Variants in DNAJC18 observed in about 807,000 individuals in gnomAD.
DNAJC18 encodes the protein DnaJ heat shock protein family (Hsp40) member C18, also known as dnaJ homolog subfamily C member 18.
A neutral mutation model predicts 48.6 loss-of-function variants in DNAJC18; 40 were observed. That is an observed-to-expected ratio of 0.82 (90% confidence interval 0.64 to 1.07). The LOEUF is 1.07. DNAJC18 is among the 50% of genes least tolerant of loss of function. DNAJC18 has a pLI of 0.00. For synonymous variants in DNAJC18, 135 were observed against 152.2 expected, an observed-to-expected ratio of 0.89 and a Z score of 0.83; for missense variants, 340 against 427.7, an observed-to-expected ratio of 0.79 and a Z score of 1.81.
At chr5:139,428,514 T>C (rs752718372) in intron 3 of DNAJC18, 24 bp downstream of exon 3, 18 of 1,599,450 alleles carry the variant, frequency 1.1e-5, no homozygotes, top group East Asian at 2.2e-5. Flanking sequence ...AAGGGCACCA[T>C]TGAGCATTGG....
At chr5:139,423,084 G>A (rs1759180955) in intron 5 of DNAJC18, among the ~76,000 whole-genome samples, 1 of 152,022 alleles carries the variant, frequency 6.6e-6, no homozygotes, top group African/African-American at 2.4e-5. Flanking sequence ...TGCCCACCTC[G>A]GCCTCCCAGA....
At chr5:139,437,602 A>T in intron 1 of DNAJC18, 44 bp from the exon 2 acceptor site, 1 of 1,562,424 alleles carries the variant, frequency 6.4e-7, no homozygotes. Flanking sequence ...CTGACCCTGA[A>T]AATCAACTTT....
rs1759011445 is a variant in DNAJC18 at position 139,412,712 on chromosome 5, G to A, written c.*1436C>T. 2.5e-6 allele frequency: 1 copy of A among 398,572 alleles called. No homozygotes were observed. The highest frequency in any genetic ancestry group is 1.3e-4 in the South Asian group (1 of 7,864). The allele number at this position is 398,572 out of a possible 1,614,324, so 24.7% of individuals were successfully genotyped here. A position where few individuals can be genotyped will look rare whatever the true frequency, so the allele number is the denominator to read the frequency against. ...GAACCACACAGCCCAGGCAGTGACTGAATTCTTCCTAGTCACCAGTGGAGG... is the reference window on the plus strand; with the variant it reads ...GAACCACACAGCCCAGGCAGTGACTAAATTCTTCCTAGTCACCAGTGGAGG... On this transcript the variant is annotated 3_prime_UTR_variant, in exon 8 of 8. Transcript: ENST00000302060.
intron 1 of DNAJC18, among the ~76,000 whole-genome samples, chr5:139,438,172 C>A (rs1750718252): frequency 2.0e-5 from 3 of 151,912 alleles, no homozygotes; most frequent in Admixed American, 2.0e-4. Flanking sequence ...ACAAATTAGC[C>A]GGGCGTGGTG....
At position 139,426,167 on chromosome 5, in the gene DNAJC18, C is replaced by A; in HGVS notation, c.559+5G>T. ...GTTTAAGAATGATAATTTGGGGAGA[C>A]TAACCTGTAGGAAAATGTCCTCCAA... On this transcript the variant is annotated splice_donor_5th_base_variant and intron_variant, in intron 4 of 7. Transcript: ENST00000302060. 1 of 1,612,696 alleles carries A rather than the reference C, an allele frequency of 6.2e-7. No individual in the cohort carries two copies. Among genetic ancestry groups the A allele is most frequent in the Non-Finnish European group, 8.5e-7 (1 of 1,179,478 alleles).
chr5:139,431,683 G>A (rs1259565608), intron 2 of DNAJC18, among the ~76,000 whole-genome samples: 2 of 152,104 alleles, frequency 1.3e-5, no homozygotes, highest in Non-Finnish European at 2.9e-5. Flanking sequence ...GTTTTTTTGT[G>A]GAAGTATATT....
In DNAJC18 at chr5:139,412,972, T is replaced by C. The variant is rs1156735895; in HGVS notation, c.*1176A>G. 2.5e-6 allele frequency: 1 copy of C among 398,330 alleles called. No individual in the cohort carries two copies. Among genetic ancestry groups the C allele is most frequent in the African/African-American group, 2.1e-5 (1 of 48,638 alleles). 24.7% of individuals were successfully genotyped at this position (398,330 alleles called of 1,614,324 possible). Reference sequence around the variant, plus strand: ...TGCTCTCCCACTTTCTACTTGACACTCAGCCTACCGTCTTGCTCTGCCACT... The same window carrying C: ...TGCTCTCCCACTTTCTACTTGACACCCAGCCTACCGTCTTGCTCTGCCACT... On this transcript the variant is annotated 3_prime_UTR_variant, in exon 8 of 8. Transcript: ENST00000302060.
chr5:139,426,315 C>G lies in DNAJC18; in HGVS notation c.416G>C (p.Arg139Thr), dbSNP rs758231832. ...AFAVLSNPDK[R>T]LRYDEYGDEQ... ...ATCTCCGTATTCATCATAGCGAAGT[C>G]TCTTATCAGGATTGCTCAGGACTGC... Residue 139 changes from arginine (R) to threonine (T), a missense_variant, in exon 4 of 8, where the codon AGA becomes ACA. Physicochemically the swap from Arg to Thr is moderately conservative, Grantham distance 71. Coordinates refer to ENST00000302060, the MANE Select transcript of DNAJC18 (RefSeq NM_152686.4). The G allele has an allele frequency of 1.2e-6, 2 of 1,614,072 alleles. No individual in the cohort carries two copies. Among genetic ancestry groups the G allele is most frequent in the Non-Finnish European group, 1.7e-6 (2 of 1,180,046 alleles).
intron 5 of DNAJC18, 40 bp downstream of exon 5, chr5:139,424,965 A>C: frequency 1.9e-6 from 3 of 1,568,178 alleles, no homozygotes; most frequent in Non-Finnish European, 2.6e-6. Context: ...GGCCAAGTAC[A>C]ACTGTTTATG....
At chr5:139,416,550 C>T (rs1759071417) in intron 7 of DNAJC18, among the ~76,000 whole-genome samples, 1 of 152,278 alleles carries the variant, frequency 6.6e-6, no homozygotes, top group South Asian at 2.1e-4. Flanking sequence ...AAATTAGGCA[C>T]TTTCTATGTG....
chr5:139,425,501 G>A (rs1759222169), intron 4 of DNAJC18, among the ~76,000 whole-genome samples: 1 of 152,180 alleles, frequency 6.6e-6, no homozygotes, highest in African/African-American at 2.4e-5. Context: ...TCCCAGCTAG[G>A]TTTGTTAAGG....
At chr5:139,436,128 G>A (rs1438653606) in intron 2 of DNAJC18, among the ~76,000 whole-genome samples, 3 of 151,168 alleles carry the variant, frequency 2.0e-5, no homozygotes, top group South Asian at 2.1e-4. Context: ...CTCTGTCACC[G>A]AAGCTGCAAT....
At chr5:139,430,927 A>T (rs1759321537) in intron 2 of DNAJC18, among the ~76,000 whole-genome samples, 1 of 152,214 alleles carries the variant, frequency 6.6e-6, no homozygotes, top group Admixed American at 6.5e-5. Flanking sequence ...TATAATATAT[A>T]CATTACCTAC....
intron 4 of DNAJC18, 102 bp from the exon 5 acceptor site, chr5:139,425,216 T>G: frequency 4.6e-6 from 4 of 876,426 alleles, no homozygotes; most frequent in Non-Finnish European, 7.0e-6. Context: ...CAGACTGGAG[T>G]GCAATGGGGT....
At chr5:139,422,566 C>A in intron 6 of DNAJC18, 142 bp downstream of exon 6, 2 of 661,776 alleles carry the variant, frequency 3.0e-6, no homozygotes, top group South Asian at 1.8e-5. Flanking sequence ...AGCACCATGA[C>A]TACCCAGCTG....
chr5:139,422,471 G>A (rs1759170076), intron 6 of DNAJC18, among the ~76,000 whole-genome samples: 1 of 152,132 alleles, frequency 6.6e-6, no homozygotes, highest in African/African-American at 2.4e-5. Context: ...CTGCTGTTCT[G>A]CAGCTGACCA....
intron 5 of DNAJC18, among the ~76,000 whole-genome samples, chr5:139,424,716 T>A (rs571887601): frequency 2.7e-5 from 1 of 36,978 alleles, no homozygotes; most frequent in African/African-American, 2.3e-4. Context: ...AGACCCTCTC[T>A]CAAAAAAAAA....
chr5:139,421,597 G>C (rs1182249604), intron 6 of DNAJC18, among the ~76,000 whole-genome samples: 1 of 152,170 alleles, frequency 6.6e-6, no homozygotes, highest in Admixed American at 6.5e-5. Flanking sequence ...CCTGAGGTTA[G>C]GAGTTTGAGA....
chr5:139,417,070 G>A (rs182242163), intron 7 of DNAJC18, among the ~76,000 whole-genome samples: 1 of 151,856 alleles, frequency 6.6e-6, no homozygotes, highest in Non-Finnish European at 1.5e-5. Flanking sequence ...TGCACCTATA[G>A]TCCCAACTAC....
Sources: allele counts gnomAD v4.1 joint callset (sites outside exome capture counted in the v4.1 genomes callset), GRCh38; gene constraint gnomAD v4.1.1; transcripts MANE v1.5; gene names NCBI Gene and HGNC (gene_info 2026-07-23, HGNC 2026-07-21).